RASSF6: variants seen among roughly 807,000 people sequenced by gnomAD.
RASSF6 encodes Ras association domain family member 6, also known as ras association domain-containing protein 6.
RASSF6 carries 52 observed loss-of-function variants against 44.0 expected under a neutral mutation model. That is an observed-to-expected ratio of 1.18 (90% confidence interval 0.95 to 1.49). The LOEUF (loss-of-function observed/expected upper bound fraction) is 1.49, where lower values mean the gene tolerates loss of function less well. Among genes scored for constraint, RASSF6 ranks in the 40% most tolerant of loss-of-function variants. The probability of loss-of-function intolerance (pLI) is 0.00; values close to 1 mark genes in which losing one functional copy is unlikely to be tolerated. For synonymous variants in RASSF6, 162 were observed against 124.6 expected (o/e 1.30, Z -2.00); for missense variants, 464 against 393.3 (o/e 1.18, Z -1.52).
intron 8 of RASSF6, among the ~76,000 whole-genome samples, chr4:73,579,497 G>A (rs765489146): frequency 5.3e-5 from 8 of 152,038 alleles, no homozygotes; most frequent in African/African-American, 9.7e-5. Flanking sequence ...ATAATATTAC[G>A]GTGTGGCTTG....
At chr4:73,579,584 T>C (rs1723468929) in intron 8 of RASSF6, among the ~76,000 whole-genome samples, 1 of 152,110 alleles carries the variant, frequency 6.6e-6, no homozygotes, top group Non-Finnish European at 1.5e-5. Context: ...TTATTATGGT[T>C]TTTCCTTTCA....
At chr4:73,611,865 T>C (rs1291586897) in intron 1 of RASSF6, 36 bp from the exon 2 acceptor site, 10 of 1,331,106 alleles carry the variant, frequency 7.5e-6, no homozygotes, top group Admixed American at 1.7e-5. Flanking sequence ...TTTGTTCCTA[T>C]AATGCATTAA....
At chr4:73,607,919 TTCCTCTCCCCTTCTC>T (rs1340882205) in intron 2 of RASSF6, among the ~76,000 whole-genome samples, 5 of 71,778 alleles carry the variant, frequency 7.0e-5, no homozygotes, top group South Asian at 8.7e-4. Flanking sequence ...TCTACTCTTC[TTCCTCTCCCCTTCTC>T]TCCTCTCCTC....
Position 73,593,451 on chromosome 4 carries a change from C to T in RASSF6, c.287G>A (p.Gly96Glu). 7 of 1,599,160 alleles carry T rather than the reference C, an allele frequency of 4.4e-6. No homozygotes were observed. Among genetic ancestry groups the T allele is most frequent in the Non-Finnish European group, 5.1e-6 (6 of 1,175,288 alleles). ...ATTAAAAACATGAAAGATAGCTTACCCTTTGCTGGAGAAGACGTCTGATGA... is the reference window on the plus strand; with the variant it reads ...ATTAAAAACATGAAAGATAGCTTACTCTTTGCTGGAGAAGACGTCTGATGA... ...MKSSDVFSSK[G>E]MTRWGEFDDL... The change falls in exon 4 of 11, where the codon GGA becomes GAA. Residue 96 changes from glycine to glutamate, a missense_variant and splice_region_variant. Coordinates refer to ENST00000307439, the MANE Select transcript of RASSF6 (RefSeq NM_177532.5).
intron 8 of RASSF6, among the ~76,000 whole-genome samples, chr4:73,578,008 C>G (rs1006343344): frequency 6.6e-6 from 1 of 152,222 alleles, no homozygotes; most frequent in African/African-American, 2.4e-5. Context: ...ACTGCCCAAA[C>G]AGGAGCCATA....
In RASSF6 at chr4:73,619,255, T is replaced by G. The variant is rs113636466; in HGVS notation, c.-35+1033A>C. 7.6e-3 allele frequency among the ~76,000 whole-genome samples: 1,155 copies of G among 152,336 alleles called. 17 individuals are homozygous for G. Among genetic ancestry groups the G allele is most frequent in the African/African-American group, 0.026 (1,100 of 41,570 alleles). On this transcript the variant is annotated intron_variant, in intron 1 of 10. Transcript: ENST00000307439. ...ACAGATTAATGTAAATGTGAATTTT[T>G]CAAAAGAAAACTGATTGAGTAGCAA...
At chr4:73,589,672 A>G (rs2149376377) in intron 4 of RASSF6, among the ~76,000 whole-genome samples, 1 of 152,264 alleles carries the variant, frequency 6.6e-6, no homozygotes, top group African/African-American at 2.4e-5. Context: ...ACAACTGTGC[A>G]CATGACTAAG....
chr4:73,585,094 T>C (rs963566151), intron 6 of RASSF6, 86 bp downstream of exon 6: 1 of 932,610 alleles, frequency 1.1e-6, no homozygotes, highest in African/African-American at 1.7e-5. Context: ...ATTATGACTT[T>C]AAATTGTGAA....
intron 2 of RASSF6, among the ~76,000 whole-genome samples, chr4:73,606,281 G>A (rs942443907): frequency 3.3e-5 from 5 of 152,124 alleles, no homozygotes; most frequent in African/African-American, 7.2e-5. Context: ...GGATGCAGCC[G>A]GAGGCTATTA....
chr4:73,611,891 TTTAAG>T, intron 1 of RASSF6, 62 bp from the exon 2 acceptor site: 2 of 1,183,816 alleles, frequency 1.7e-6, no homozygotes, highest in Non-Finnish European at 2.5e-6. Flanking sequence ...TAGTTTCTGA[TTTAAG>T]TTGAGTGTTT....
At chr4:73,604,893 T>TG (rs1044406011) in intron 2 of RASSF6, among the ~76,000 whole-genome samples, 10 of 150,754 alleles carry the variant, frequency 6.6e-5, no homozygotes, top group African/African-American at 2.4e-4. Flanking sequence ...TCTTTTTTTT[T>TG]TTTTTTGTTT....
At chr4:73,601,580 T>G (rs1039194838) in intron 2 of RASSF6, among the ~76,000 whole-genome samples, 2 of 152,316 alleles carry the variant, frequency 1.3e-5, no homozygotes, top group African/African-American at 2.4e-5. Context: ...TGGAGTAAAA[T>G]TAGGTAAATT....
At chr4:73,617,050 A>G (rs931906080) in intron 1 of RASSF6, among the ~76,000 whole-genome samples, 5 of 152,220 alleles carry the variant, frequency 3.3e-5, no homozygotes, top group Admixed American at 1.3e-4. Context: ...AATGTGCTTT[A>G]TTTGCAGAGA....
intron 5 of RASSF6, among the ~76,000 whole-genome samples, chr4:73,586,416 G>A (rs1338740141): frequency 6.6e-6 from 1 of 151,932 alleles, no homozygotes; most frequent in African/African-American, 2.4e-5. Flanking sequence ...TATTGAGTAG[G>A]CAGAAGGTGT....
At position 73,576,160 on chromosome 4, in the gene RASSF6, A is replaced by T; in HGVS notation, c.*75T>A. ...CATATATGTTCGTATAAATGCAAGT[A>T]CAGAACTTATGCATTCATCAAAGAG... On this transcript the variant is annotated 3_prime_UTR_variant, in exon 11 of 11. Transcript: ENST00000307439. 1 of 769,848 alleles carries T rather than the reference A, an allele frequency of 1.3e-6. No individual in the cohort carries two copies. The highest frequency in any genetic ancestry group is 2.5e-5 in the East Asian group (1 of 39,710). The allele number at this position is 769,848 out of a possible 1,614,324, so 47.7% of individuals were successfully genotyped here. A position where few individuals can be genotyped will look rare whatever the true frequency, so the allele number is the denominator to read the frequency against.
At chr4:73,611,134 C>T (rs956579861) in intron 2 of RASSF6, among the ~76,000 whole-genome samples, 3 of 152,202 alleles carry the variant, frequency 2.0e-5, no homozygotes, top group Admixed American at 1.3e-4. Flanking sequence ...TGTTTCAGTA[C>T]CACTTATTTT....
chr4:73,581,417 A>G (rs1723639241), intron 8 of RASSF6, among the ~76,000 whole-genome samples: 1 of 152,178 alleles, frequency 6.6e-6, no homozygotes, highest in Non-Finnish European at 1.5e-5. Flanking sequence ...CTGTGCTAAA[A>G]AAGAGGCAAT....
At chr4:73,613,346 G>T (rs918308245) in intron 1 of RASSF6, among the ~76,000 whole-genome samples, 1 of 152,100 alleles carries the variant, frequency 6.6e-6, no homozygotes, top group Non-Finnish European at 1.5e-5. Context: ...GACACAACAT[G>T]CTCCATGAGC....
At chr4:73,612,564 T>G (rs1214872593) in intron 1 of RASSF6, among the ~76,000 whole-genome samples, 1 of 151,702 alleles carries the variant, frequency 6.6e-6, no homozygotes, top group African/African-American at 2.4e-5. Context: ...TTATTTGGGT[T>G]GGGTAAGATG....
Sources: gnomAD v4.1 joint callset for allele counts (sites outside exome capture counted in the v4.1 genomes callset) on GRCh38, gnomAD v4.1.1 for gene constraint, MANE v1.5 for transcripts, NCBI Gene and HGNC (gene_info 2026-07-23, HGNC 2026-07-21) for gene names.